Variants in C1orf21 observed in about 807,000 individuals in gnomAD.
The protein encoded by C1orf21 is chromosome 1 open reading frame 21.
C1orf21 carries 3 observed loss-of-function variants against 18.7 expected under a neutral mutation model. The observed-to-expected ratio is 0.16, with a 90% CI of 0.07 to 0.42. The LOEUF (loss-of-function observed/expected upper bound fraction) is 0.42, where lower values mean the gene tolerates loss of function less well. C1orf21 is among the 10% of genes least tolerant of loss of function. C1orf21 has a pLI of 0.99. For synonymous variants in C1orf21, 41 were observed against 46.4 expected (o/e 0.88, Z 0.47); for missense variants, 104 against 143.6 (o/e 0.72, Z 1.41).
At chr1:184,456,392 CTT>C (rs10552455) in intron 1 of C1orf21, among the ~76,000 whole-genome samples, 15,507 of 152,162 alleles carry the variant, frequency 0.1, 1,114 homozygotes, top group African/African-American at 0.2. Flanking sequence ...CATCTGATCT[CTT>C]TTCAGTGAGT....
At chr1:184,568,110 A>G (rs887763537) in intron 3 of C1orf21, among the ~76,000 whole-genome samples, 2 of 152,176 alleles carry the variant, frequency 1.3e-5, no homozygotes, top group Non-Finnish European at 2.9e-5. Context: ...TCTAGCCTAA[A>G]GTTTGAAGTG....
At chr1:184,581,600 T>G (rs1383519107) in intron 3 of C1orf21, among the ~76,000 whole-genome samples, 2 of 152,194 alleles carry the variant, frequency 1.3e-5, no homozygotes, top group Non-Finnish European at 2.9e-5. Flanking sequence ...ATATATTATC[T>G]TTTTAAAACA....
At chr1:184,424,451 T>C (rs1656600178) in intron 1 of C1orf21, among the ~76,000 whole-genome samples, 1 of 152,216 alleles carries the variant, frequency 6.6e-6, no homozygotes, top group African/African-American at 2.4e-5. Context: ...AGACTAGTGC[T>C]TTTTCAAACT....
In C1orf21 at chr1:184,621,897, A is replaced by T. The variant is rs960370477; in HGVS notation, c.*2341A>T. ...CGAAAGTGAGTTCATCTTCAGACAC[A>T]TTTGGTACATCCAGAAATAGATCCA... On this transcript the variant is annotated 3_prime_UTR_variant, in exon 6 of 6. Coordinates refer to ENST00000235307, the MANE Select transcript of C1orf21 (RefSeq NM_030806.4). 1.3e-5 allele frequency: 2 copies of T among 152,180 alleles called. No homozygotes were observed. The highest frequency in any genetic ancestry group is 2.4e-5 in the African/African-American group (1 of 41,448). 9.4% of individuals were successfully genotyped at this position (152,180 alleles called of 1,614,324 possible).
At chr1:184,459,294 G>A (rs527460166) in intron 1 of C1orf21, among the ~76,000 whole-genome samples, 10 of 152,322 alleles carry the variant, frequency 6.6e-5, no homozygotes, top group African/African-American at 2.2e-4. Flanking sequence ...TATTCCTGGA[G>A]AGGGTGAAGG....
intron 1 of C1orf21, among the ~76,000 whole-genome samples, chr1:184,397,689 A>G (rs780792380): frequency 4.6e-5 from 7 of 152,214 alleles, no homozygotes; most frequent in Non-Finnish European, 1.0e-4. Context: ...TTAGTTTTGT[A>G]TGTTTGGAAT....
In C1orf21 at chr1:184,576,019, C is replaced by T. The variant is rs1235974465; in HGVS notation, c.190-14720C>T. Among the ~76,000 whole-genome samples the T allele has an allele frequency of 5.9e-5, 9 of 152,326 alleles. No individual in the cohort carries two copies. In the East Asian group the frequency reaches 1.7e-3, roughly 29 times the overall value. On this transcript the variant is annotated intron_variant, in intron 3 of 5. Coordinates refer to ENST00000235307, the MANE Select transcript of C1orf21 (RefSeq NM_030806.4). ...GACGGGGACAGAGGGCATTGCTTGA[C>T]TCCCTGAATCCAGTCAGGCCCAAGC... is the stretch of plus-strand genomic sequence containing the variant.
intron 1 of C1orf21, among the ~76,000 whole-genome samples, chr1:184,423,104 C>A (rs1019865268): frequency 1.3e-5 from 2 of 152,184 alleles, no homozygotes; most frequent in Non-Finnish European, 2.9e-5. Context: ...GCCAAGGAGA[C>A]AATGTGTATC....
chr1:184,601,276 T>G (rs1020941507), intron 5 of C1orf21, among the ~76,000 whole-genome samples: 4 of 152,224 alleles, frequency 2.6e-5, no homozygotes, highest in Non-Finnish European at 5.9e-5. Context: ...GATGTAAATG[T>G]GCCCTTCCTT....
rs113348111 is a variant in C1orf21 at position 184,437,676 on chromosome 1, A to G, written c.-124-39710A>G. Among the ~76,000 whole-genome samples, 1,001 of 151,740 alleles carry G rather than the reference A, an allele frequency of 6.6e-3. 10 individuals are homozygous for G. Among genetic ancestry groups the G allele is most frequent in the African/African-American group, 0.022 (905 of 41,334 alleles). ...CCAGAGACCAGTTTCATGGAAGACA[A>G]TTTTTCCATGAATGGGGTCTTGGGA... On this transcript the variant is annotated intron_variant, in intron 1 of 5. Transcript: ENST00000235307.
At chr1:184,429,525 T>G (rs750211928) in intron 1 of C1orf21, among the ~76,000 whole-genome samples, 19 of 152,106 alleles carry the variant, frequency 1.2e-4, no homozygotes, top group Non-Finnish European at 2.4e-4. Context: ...ACTGTGGATG[T>G]TATGTTGAGG....
chr1:184,544,660 T>C lies in C1orf21; in HGVS notation c.189+36978T>C, dbSNP rs530609031. ...AGTTACCCAGTACTACATTACACAT[T>C]ACCACAAAATTTAACAGCTTAAAAC... On this transcript the variant is annotated intron_variant, in intron 3 of 5. Coordinates refer to ENST00000235307, the MANE Select transcript of C1orf21 (RefSeq NM_030806.4). 1.6e-4 allele frequency among the ~76,000 whole-genome samples: 25 copies of C among 152,380 alleles called. No individual in the cohort carries two copies. The South Asian group carries it at 5.2e-3, about 32-fold the overall frequency.
chr1:184,479,594 C>T (rs145559357), intron 2 of C1orf21, among the ~76,000 whole-genome samples: 5 of 148,034 alleles, frequency 3.4e-5, no homozygotes, highest in Non-Finnish European at 7.4e-5. Flanking sequence ...TTCCTGATGC[C>T]GTGCAGCCTC....
chr1:184,468,580 T>G (rs757531133), intron 1 of C1orf21, among the ~76,000 whole-genome samples: 2 of 152,170 alleles, frequency 1.3e-5, no homozygotes, highest in Admixed American at 6.5e-5. Flanking sequence ...TACTCAAATA[T>G]CAAATCAGGT....
At position 184,624,390 on chromosome 1, in the gene C1orf21, G is replaced by A. The variant is rs1321052503; in HGVS notation, c.*4834G>A. ...CGTTTCTCTCCTTGGAATCCTTCTAGCATCTGGAAAAGGAACCTGGTATTT... is the reference window on the plus strand; with the variant it reads ...CGTTTCTCTCCTTGGAATCCTTCTAACATCTGGAAAAGGAACCTGGTATTT... On this transcript the variant is annotated 3_prime_UTR_variant, in exon 6 of 6. Coordinates refer to ENST00000235307, the MANE Select transcript of C1orf21 (RefSeq NM_030806.4). The A allele has an allele frequency of 6.6e-6, 1 of 152,486 alleles. No homozygotes were observed. The highest frequency in any genetic ancestry group is 2.4e-5 in the African/African-American group (1 of 41,434). The allele number at this position is 152,486 out of a possible 1,614,324, so 9.4% of individuals were successfully genotyped here. A position where few individuals can be genotyped will look rare whatever the true frequency, so the allele number is the denominator to read the frequency against.
chr1:184,425,540 G>A (rs191579087), intron 1 of C1orf21, among the ~76,000 whole-genome samples: 194 of 152,146 alleles, frequency 1.3e-3, no homozygotes, highest in Non-Finnish European at 1.7e-3. Flanking sequence ...GGGATTACAG[G>A]CATGAGCTAC....
rs532707385 is a variant in C1orf21, at chr1:184,485,796, G to T, written c.94+8193G>T. On this transcript the variant is annotated intron_variant, in intron 2 of 5. Transcript: ENST00000235307. ...CTGCCTCTACTGTAGCTGTTTTGCT[G>T]GCATAAGGAAGCTTCTGTTGGCTTC... Among the ~76,000 whole-genome samples the T allele has an allele frequency of 2.0e-5, 3 of 152,250 alleles. No homozygotes were observed. The South Asian group carries it at 6.2e-4, about 32-fold the overall frequency.
chr1:184,516,109 A>G (rs1344489568), intron 3 of C1orf21, among the ~76,000 whole-genome samples: 1 of 152,158 alleles, frequency 6.6e-6, no homozygotes, highest in Non-Finnish European at 1.5e-5. Flanking sequence ...CACCATGCCC[A>G]GCCTACATTG....
chr1:184,510,954 T>C (rs973700565), intron 3 of C1orf21, among the ~76,000 whole-genome samples: 1 of 151,964 alleles, frequency 6.6e-6, no homozygotes, highest in Non-Finnish European at 1.5e-5. Flanking sequence ...AAGATTTGGG[T>C]AAGGTTGCAG....
Sources: allele counts gnomAD v4.1 joint callset (sites outside exome capture counted in the v4.1 genomes callset), GRCh38; gene constraint gnomAD v4.1.1; transcripts MANE v1.5; gene names NCBI Gene and HGNC (gene_info 2026-07-23, HGNC 2026-07-21).